TAFA2: variants seen among roughly 807,000 people sequenced by gnomAD.
TAFA2 encodes TAFA chemokine like family member 2, also known as chemokine-like protein TAFA-2.
A neutral mutation model predicts 18.8 loss-of-function variants in TAFA2; 7 were observed. That is an observed-to-expected ratio of 0.37 (90% CI 0.21 to 0.70). TAFA2 has a LOEUF of 0.70. Ranked by LOEUF, TAFA2 falls within the 30% of genes least tolerant of loss-of-function variation. TAFA2 has a pLI of 0.53. For synonymous variants in TAFA2, 60 were observed against 54.2 expected (o/e 1.11, Z -0.47); for missense variants, 122 against 158.1 (o/e 0.77, Z 1.23).
At chr12:61,938,869 G>T (rs2121414420) in intron 1 of TAFA2, among the ~76,000 whole-genome samples, 1 of 151,980 alleles carries the variant, frequency 6.6e-6, no homozygotes, top group African/African-American at 2.4e-5. Context: ...GTATGCAAAG[G>T]CATACAGAGT....
intron 2 of TAFA2, among the ~76,000 whole-genome samples, chr12:61,821,841 T>C (rs1014535708): frequency 6.6e-6 from 1 of 152,118 alleles, no homozygotes; most frequent in African/African-American, 2.4e-5. Context: ...TTTAAATGCA[T>C]TTTATTCCTG....
intron 2 of TAFA2, among the ~76,000 whole-genome samples, chr12:61,755,231 A>T (rs1592367687): frequency 6.6e-6 from 1 of 152,262 alleles, no homozygotes; most frequent in East Asian, 1.9e-4. Context: ...AATGCTTGGT[A>T]AAGCAGGAAC....
At position 62,178,956 on chromosome 12, in the gene TAFA2, T is replaced by C. The variant is rs1432307130; in HGVS notation, c.-2+12303A>G. Among the ~76,000 whole-genome samples the C allele has an allele frequency of 5.9e-5, 9 of 152,172 alleles. No individual in the cohort carries two copies. In the East Asian group the frequency reaches 1.7e-3, roughly 29 times the overall value. ...CCTCTGGCATTCACTGTCTGTATGA[T>C]TTTTACCTTTCTCTATCAGAGTTTC... On this transcript the variant is annotated intron_variant, in intron 1 of 4. Coordinates refer to ENST00000416284, the MANE Select transcript of TAFA2 (RefSeq NM_178539.5).
chr12:61,809,256 T>A (rs1388246276), intron 2 of TAFA2, among the ~76,000 whole-genome samples: 1 of 151,566 alleles, frequency 6.6e-6, no homozygotes, highest in African/African-American at 2.4e-5. Flanking sequence ...TATTGAGCCA[T>A]TATGAACCTC....
intron 1 of TAFA2, among the ~76,000 whole-genome samples, chr12:62,038,479 T>C (rs576217775): frequency 2.9e-4 from 44 of 152,300 alleles, no homozygotes; most frequent in African/African-American, 1.0e-3. Flanking sequence ...ATTTACATTG[T>C]ATTAGATATT....
At chr12:61,739,909 A>T (rs1868373661) in intron 4 of TAFA2, among the ~76,000 whole-genome samples, 1 of 152,102 alleles carries the variant, frequency 6.6e-6, no homozygotes, top group Non-Finnish European at 1.5e-5. Flanking sequence ...ATTTCTTTCA[A>T]GATAGAATAA....
intron 1 of TAFA2, among the ~76,000 whole-genome samples, chr12:62,203,926 G>C (rs888280040): frequency 6.6e-6 from 1 of 152,166 alleles, no homozygotes; most frequent in Non-Finnish European, 1.5e-5. Flanking sequence ...TTGCCTCATA[G>C]TGTCTTTGGT....
intron 1 of TAFA2, among the ~76,000 whole-genome samples, chr12:62,030,021 TAA>T (rs1881415308): frequency 1.3e-5 from 2 of 152,130 alleles, no homozygotes; most frequent in Admixed American, 6.5e-5. Context: ...GCTCCTCATG[TAA>T]ATAAGGAATA....
chr12:62,171,003 G>C (rs2062474332), intron 1 of TAFA2, among the ~76,000 whole-genome samples: 1 of 151,940 alleles, frequency 6.6e-6, no homozygotes, highest in African/African-American at 2.4e-5. Flanking sequence ...CATAGTTTAG[G>C]ACAAATAAGT....
chr12:62,140,936 A>G (rs1486709209), intron 1 of TAFA2, among the ~76,000 whole-genome samples: 1 of 152,188 alleles, frequency 6.6e-6, no homozygotes, highest in Non-Finnish European at 1.5e-5. Context: ...GGTAGACACC[A>G]GGGAAGAACC....
intron 1 of TAFA2, among the ~76,000 whole-genome samples, chr12:61,924,656 C>T (rs141539859): frequency 7.8e-4 from 118 of 152,178 alleles, no homozygotes; most frequent in Non-Finnish European, 1.5e-3. Flanking sequence ...TAAAGACCAT[C>T]GACACTATGA....
intron 1 of TAFA2, among the ~76,000 whole-genome samples, chr12:62,156,923 C>G (rs2062373385): frequency 6.6e-6 from 1 of 152,100 alleles, no homozygotes; most frequent in Non-Finnish European, 1.5e-5. Flanking sequence ...TCACTATGGT[C>G]TATAATTTAA....
At chr12:61,917,591 T>C (rs980184714) in intron 1 of TAFA2, among the ~76,000 whole-genome samples, 1 of 152,120 alleles carries the variant, frequency 6.6e-6, no homozygotes, top group African/African-American at 2.4e-5. Context: ...AACTGACATA[T>C]CAGGAAGCTT....
intron 4 of TAFA2, among the ~76,000 whole-genome samples, chr12:61,728,367 T>C (rs1870274531): frequency 6.6e-6 from 1 of 152,094 alleles, no homozygotes; most frequent in Non-Finnish European, 1.5e-5. Context: ...GTCTCATTTC[T>C]TAGGTCTAGC....
intron 1 of TAFA2, chr12:61,879,410 C>T (rs540095106): frequency 4.2e-4 from 295 of 704,844 alleles, no homozygotes; most frequent in African/African-American, 4.1e-3. Context: ...GGTCCCGGTG[C>T]CCCCATCAGC....
At chr12:62,165,158 G>C (rs1186225334) in intron 1 of TAFA2, among the ~76,000 whole-genome samples, 1 of 152,048 alleles carries the variant, frequency 6.6e-6, no homozygotes, top group Non-Finnish European at 1.5e-5. Flanking sequence ...TGGCTATTCT[G>C]ATTAATTTGT....
At chr12:61,815,699 TG>T (rs1872054442) in intron 2 of TAFA2, among the ~76,000 whole-genome samples, 2 of 150,958 alleles carry the variant, frequency 1.3e-5, no homozygotes, top group South Asian at 4.2e-4. Flanking sequence ...ATCTATTTAT[TG>T]GGGGCTCAAT....
At chr12:61,911,911 A>T (rs1420544169) in intron 1 of TAFA2, among the ~76,000 whole-genome samples, 2 of 152,176 alleles carry the variant, frequency 1.3e-5, no homozygotes, top group African/African-American at 4.8e-5. Context: ...GAACCAAACA[A>T]GTGCCAAACA....
At chr12:61,884,245 C>T (rs1332083273) in intron 1 of TAFA2, among the ~76,000 whole-genome samples, 3 of 152,146 alleles carry the variant, frequency 2.0e-5, no homozygotes, top group Non-Finnish European at 4.4e-5. Flanking sequence ...ATGCTGACGG[C>T]GACATGGAAG....
Sources: gnomAD v4.1 joint callset for allele counts (sites outside exome capture counted in the v4.1 genomes callset) on GRCh38, gnomAD v4.1.1 for gene constraint, MANE v1.5 for transcripts, NCBI Gene and HGNC (gene_info 2026-07-23, HGNC 2026-07-21) for gene names.